The following SH3RF1 variants were observed in gnomAD, a reference collection of about 807,000 sequenced individuals.
SH3RF1 encodes SH3 domain containing ring finger 1.
SH3RF1 carries 32 observed loss-of-function variants against 74.0 expected under a neutral mutation model. The ratio of observed to expected loss-of-function variants is 0.43; its 90% CI spans 0.33 to 0.58. SH3RF1 has a LOEUF of 0.58. Ranked by LOEUF, SH3RF1 falls within the 20% of genes least tolerant of loss-of-function variation. SH3RF1 has a pLI of 0.05. For missense variants in SH3RF1, 954 were observed against 1,130.9 expected (o/e 0.84, Z 2.24); for synonymous variants, 396 against 439.6 (o/e 0.90, Z 1.24).
At chr4:169,206,949 T>C (rs1325978006) in intron 2 of SH3RF1, among the ~76,000 whole-genome samples, 3 of 152,030 alleles carry the variant, frequency 2.0e-5, no homozygotes, top group Admixed American at 6.6e-5. Context: ...ATGAACAACA[T>C]AGTAAGACCC....
chr4:169,240,575 T>C (rs1032593185), intron 2 of SH3RF1, among the ~76,000 whole-genome samples: 1 of 152,170 alleles, frequency 6.6e-6, no homozygotes, highest in Non-Finnish European at 1.5e-5. Flanking sequence ...TAAGGAGTTT[T>C]TGAGTTTTCT....
rs144957153 is a variant in SH3RF1 at position 169,203,989 on chromosome 4, G to A, written c.394-47310C>T. 1.6e-4 allele frequency: 24 copies of A among 152,226 alleles called. No homozygotes were observed. The East Asian group carries it at 4.1e-3, about 26-fold the overall frequency. 9.4% of individuals were successfully genotyped at this position (152,226 alleles called of 1,614,324 possible). A position where few individuals can be genotyped will look rare whatever the true frequency, so the allele number is the denominator to read the frequency against. ...CCCACAGGACTACTATGAAGAAAGC[G>A]CCTGGCATAATCTTGGCACATCGAA... On this transcript the variant is annotated intron_variant, in intron 2 of 11. Coordinates refer to ENST00000284637, the MANE Select transcript of SH3RF1 (RefSeq NM_020870.4).
At chr4:169,236,478 A>AT (rs1730825787) in intron 2 of SH3RF1, among the ~76,000 whole-genome samples, 1 of 152,230 alleles carries the variant, frequency 6.6e-6, no homozygotes, top group East Asian at 1.9e-4. Flanking sequence ...GTTTCTTACT[A>AT]TTCCATAATT....
At chr4:169,179,974 G>A (rs977441702) in intron 2 of SH3RF1, among the ~76,000 whole-genome samples, 5 of 152,184 alleles carry the variant, frequency 3.3e-5, no homozygotes, top group African/African-American at 1.2e-4. Flanking sequence ...CTTTCTTGGA[G>A]GAAGGTGTGA....
chr4:169,133,631 A>T (rs958985643), intron 5 of SH3RF1, among the ~76,000 whole-genome samples: 13 of 149,210 alleles, frequency 8.7e-5, no homozygotes, highest in African/African-American at 3.2e-4. Flanking sequence ...TATAAAAACT[A>T]GCCGGGTGTG....
chr4:169,248,780 A>C (rs1445491045), intron 2 of SH3RF1, among the ~76,000 whole-genome samples: 2 of 152,202 alleles, frequency 1.3e-5, no homozygotes, highest in Non-Finnish European at 2.9e-5. Context: ...ACAGACAACA[A>C]AGGCTACTCC....
At chr4:169,209,427 C>T (rs897492311) in intron 2 of SH3RF1, among the ~76,000 whole-genome samples, 2 of 152,126 alleles carry the variant, frequency 1.3e-5, no homozygotes, top group African/African-American at 2.4e-5. Flanking sequence ...TATCGTCCCC[C>T]GGGAACTCTC....
intron 2 of SH3RF1, among the ~76,000 whole-genome samples, chr4:169,231,560 C>T (rs1003037373): frequency 9.3e-5 from 14 of 150,838 alleles, no homozygotes; most frequent in African/African-American, 4.9e-5. Context: ...AGCGAGACTC[C>T]GTCTCAAAAA....
chr4:169,118,256 C>T (rs564545771), intron 8 of SH3RF1, among the ~76,000 whole-genome samples: 3 of 152,250 alleles, frequency 2.0e-5, no homozygotes, highest in South Asian at 2.1e-4. Context: ...AAGTCCTCTC[C>T]GTCTTCTCTT....
At chr4:169,110,437 T>C (rs1240861594) in intron 10 of SH3RF1, among the ~76,000 whole-genome samples, 1 of 152,014 alleles carries the variant, frequency 6.6e-6, no homozygotes, top group African/African-American at 2.4e-5. Flanking sequence ...AAAATGAATA[T>C]TTAAAAACCA....
rs376025679 is a variant in SH3RF1, at chr4:169,206,559, T to A, written c.394-49880A>T. On this transcript the variant is annotated intron_variant, in intron 2 of 11. Transcript: ENST00000284637. ...AAACAAAAAAAGTCCATCAAGGGATTCACTTTAAATAAGTGAAGTCAAGAA... is the reference window on the plus strand; with the variant it reads ...AAACAAAAAAAGTCCATCAAGGGATACACTTTAAATAAGTGAAGTCAAGAA... Among the ~76,000 whole-genome samples, 22 of 152,334 alleles carry A rather than the reference T, an allele frequency of 1.4e-4. No individual in the cohort carries two copies. The South Asian group carries it at 4.6e-3, about 32-fold the overall frequency.
chr4:169,266,782 C>T (rs1186462619), intron 2 of SH3RF1, among the ~76,000 whole-genome samples: 7 of 152,136 alleles, frequency 4.6e-5, no homozygotes, highest in Admixed American at 3.9e-4. Context: ...GCCACAGTAC[C>T]TGGCTCGAAA....
chr4:169,164,776 T>C (rs1462106548), intron 2 of SH3RF1, among the ~76,000 whole-genome samples: 1 of 152,214 alleles, frequency 6.6e-6, no homozygotes, highest in African/African-American at 2.4e-5. Context: ...AAACAAATTA[T>C]GCAGCAAACT....
intron 2 of SH3RF1, among the ~76,000 whole-genome samples, chr4:169,170,464 A>G (rs1579117907): frequency 6.6e-6 from 1 of 152,242 alleles, no homozygotes; most frequent in East Asian, 1.9e-4. Flanking sequence ...GGTCATGGCA[A>G]CAGACTAAAT....
Position 169,186,288 on chromosome 4 carries a change from C to T in SH3RF1, c.394-29609G>A, listed in dbSNP as rs140209433. ...AATGAAATAATCTGTATAACAAACC[C>T]CATGACACATGTTTACCTATGTAAC... is the stretch of plus-strand genomic sequence containing the variant. On this transcript the variant is annotated intron_variant, in intron 2 of 11. Transcript: ENST00000284637. Among the ~76,000 whole-genome samples the T allele has an allele frequency of 1.1e-4, 17 of 152,100 alleles. No homozygotes were observed. In the East Asian group the frequency reaches 3.3e-3, roughly 30 times the overall value.
intron 4 of SH3RF1, among the ~76,000 whole-genome samples, chr4:169,138,941 C>T (rs1233621365): frequency 6.6e-6 from 1 of 152,086 alleles, no homozygotes; most frequent in Non-Finnish European, 1.5e-5. Flanking sequence ...AATAAATACA[C>T]ATTGAGCATC....
chr4:169,127,626 C>T (rs550128355), intron 6 of SH3RF1, among the ~76,000 whole-genome samples: 6 of 152,350 alleles, frequency 3.9e-5, no homozygotes, highest in African/African-American at 1.4e-4. Context: ...AGTAGACATA[C>T]TGTTTAATCA....
At chr4:169,255,238 G>A (rs1048204403) in intron 2 of SH3RF1, among the ~76,000 whole-genome samples, 11 of 152,178 alleles carry the variant, frequency 7.2e-5, no homozygotes, top group South Asian at 2.1e-4. Context: ...AAATCAGTAC[G>A]TGAATATTTT....
At chr4:169,238,967 C>G (rs896150939) in intron 2 of SH3RF1, among the ~76,000 whole-genome samples, 9 of 151,500 alleles carry the variant, frequency 5.9e-5, no homozygotes, top group Admixed American at 5.2e-4. Flanking sequence ...AATTTCCGCC[C>G]CCCCCCACCC....
Sources: allele counts gnomAD v4.1 joint callset (sites outside exome capture counted in the v4.1 genomes callset), GRCh38; gene constraint gnomAD v4.1.1; transcripts MANE v1.5; gene names NCBI Gene and HGNC (gene_info 2026-07-23, HGNC 2026-07-21).